Variants in AGBL4 observed in about 807,000 individuals in gnomAD.
AGBL4 encodes cytosolic carboxypeptidase 6.
In AGBL4, 58 loss-of-function variants were observed where a neutral mutation model predicts 66.4. That is an observed-to-expected ratio of 0.87 (90% CI 0.71 to 1.09). The LOEUF (loss-of-function observed/expected upper bound fraction) is 1.09. Ranked by LOEUF, AGBL4 falls within the 50% of genes least tolerant of loss-of-function variation. The pLI is 0.00. For synonymous variants in AGBL4, 234 were observed against 222.9 expected, an observed-to-expected ratio of 1.05 and a Z score of -0.44; for missense variants, 579 against 631.0, an observed-to-expected ratio of 0.92 and a Z score of 0.88.
At chr1:49,995,365 G>A (rs1198643656) in intron 1 of AGBL4, 1 of 442,820 alleles carries the variant, frequency 2.3e-6, no homozygotes, top group Non-Finnish European at 4.5e-6. Flanking sequence ...GATGAGGCCT[G>A]TCACTGCGGC....
At chr1:49,395,533 A>G (rs904405896) in intron 3 of AGBL4, among the ~76,000 whole-genome samples, 1 of 139,356 alleles carries the variant, frequency 7.2e-6, no homozygotes, top group Non-Finnish European at 1.6e-5. Flanking sequence ...GCCAAACACT[A>G]GTGTGTGTGT....
chr1:49,234,888 T>C (rs932829280), intron 4 of AGBL4, among the ~76,000 whole-genome samples: 1 of 152,188 alleles, frequency 6.6e-6, no homozygotes, highest in Non-Finnish European at 1.5e-5. Context: ...GCTCTGCCCC[T>C]GACTAGCTGT....
intron 1 of AGBL4, among the ~76,000 whole-genome samples, chr1:49,963,842 A>C (rs1480640039): frequency 6.6e-6 from 1 of 152,098 alleles, no homozygotes; most frequent in Non-Finnish European, 1.5e-5. Context: ...AAGAACCATG[A>C]TTTTTTAAAG....
chr1:48,984,246 T>C (rs771629052), intron 5 of AGBL4, among the ~76,000 whole-genome samples: 54 of 151,948 alleles, frequency 3.6e-4, no homozygotes, highest in Admixed American at 8.5e-4. Flanking sequence ...CTACCACTTT[T>C]CAGATGTGGA....
intron 4 of AGBL4, among the ~76,000 whole-genome samples, chr1:49,047,731 C>CA (rs1393001250): frequency 6.6e-6 from 1 of 152,018 alleles, no homozygotes; most frequent in Non-Finnish European, 1.5e-5. Context: ...TTTTATTTAG[C>CA]AAATATTTAA....
intron 3 of AGBL4, among the ~76,000 whole-genome samples, chr1:49,572,054 T>C (rs145541050): frequency 5.3e-4 from 80 of 152,270 alleles, no homozygotes; most frequent in Non-Finnish European, 9.7e-4. Flanking sequence ...CTTGTTTGCT[T>C]GGTTTTGGTA....
chr1:49,269,767 C>T (rs148867140), intron 3 of AGBL4, among the ~76,000 whole-genome samples: 1 of 152,166 alleles, frequency 6.6e-6, no homozygotes, highest in East Asian at 1.9e-4. Flanking sequence ...TTAGGGTAAT[C>T]CTTTTGTGAT....
chr1:49,161,286 C>G (rs958536306), intron 4 of AGBL4, among the ~76,000 whole-genome samples: 1 of 152,184 alleles, frequency 6.6e-6, no homozygotes, highest in African/African-American at 2.4e-5. Context: ...TCCCTCACAG[C>G]TTCCCTTGGT....
chr1:49,992,669 T>C (rs1264880531), intron 1 of AGBL4, among the ~76,000 whole-genome samples: 2 of 152,134 alleles, frequency 1.3e-5, no homozygotes. Context: ...ATAATTCCTT[T>C]AGGAGTCTCT....
chr1:49,965,163 T>C (rs909102687), intron 1 of AGBL4, among the ~76,000 whole-genome samples: 5 of 152,184 alleles, frequency 3.3e-5, no homozygotes, highest in Non-Finnish European at 7.3e-5. Flanking sequence ...AAATCAATGA[T>C]TGCCTCCTAT....
intron 3 of AGBL4, among the ~76,000 whole-genome samples, chr1:49,696,699 CT>C (rs1244829959): frequency 6.6e-6 from 1 of 151,900 alleles, no homozygotes; most frequent in Non-Finnish European, 1.5e-5. Flanking sequence ...AACTGAAACA[CT>C]TCTGGTCCCA....
chr1:49,002,573 T>C (rs1222691721), intron 5 of AGBL4, among the ~76,000 whole-genome samples: 1 of 152,216 alleles, frequency 6.6e-6, no homozygotes, highest in Non-Finnish European at 1.5e-5. Context: ...GGAGAGAACA[T>C]TAAGGTCTCA....
chr1:48,699,189 G>T (rs1381106321), intron 6 of AGBL4, among the ~76,000 whole-genome samples: 1 of 152,162 alleles, frequency 6.6e-6, no homozygotes, highest in African/African-American at 2.4e-5. Context: ...CCAGGCTTTG[G>T]AGTCAGGCAG....
intron 4 of AGBL4, among the ~76,000 whole-genome samples, chr1:49,160,914 G>T (rs1646528860): frequency 6.6e-6 from 1 of 152,138 alleles, no homozygotes; most frequent in Non-Finnish European, 1.5e-5. Flanking sequence ...CCAAACTTGA[G>T]CATCCCAGGT....
At chr1:49,365,151 T>G (rs1005224781) in intron 3 of AGBL4, among the ~76,000 whole-genome samples, 6 of 152,246 alleles carry the variant, frequency 3.9e-5, no homozygotes, top group Non-Finnish European at 8.8e-5. Context: ...TGTAAACCAA[T>G]AAGCAAACAC....
At chr1:48,748,230 T>A (rs1277246102) in intron 6 of AGBL4, among the ~76,000 whole-genome samples, 1 of 152,176 alleles carries the variant, frequency 6.6e-6, no homozygotes, top group Non-Finnish European at 1.5e-5. Flanking sequence ...AGGATCCCCC[T>A]CTGTGGACCT....
chr1:49,507,701 G>A (rs2148775691), intron 3 of AGBL4, among the ~76,000 whole-genome samples: 1 of 151,874 alleles, frequency 6.6e-6, no homozygotes, highest in Non-Finnish European at 1.5e-5. Flanking sequence ...TTTCTTAAAA[G>A]GAGTGTCTTA....
At chr1:49,102,534 A>G (rs1031777070) in intron 4 of AGBL4, among the ~76,000 whole-genome samples, 4 of 152,216 alleles carry the variant, frequency 2.6e-5, no homozygotes, top group Non-Finnish European at 4.4e-5. Flanking sequence ...TGGACTCACT[A>G]TTATAAAATA....
intron 3 of AGBL4, among the ~76,000 whole-genome samples, chr1:49,397,084 CAG>C (rs1644989373): frequency 6.6e-6 from 1 of 152,136 alleles, no homozygotes; most frequent in African/African-American, 2.4e-5. Context: ...TGACAGGAGA[CAG>C]AGCTCAGCTT....
Sources: gnomAD v4.1 joint callset for allele counts (sites outside exome capture counted in the v4.1 genomes callset) on GRCh38, gnomAD v4.1.1 for gene constraint, MANE v1.5 for transcripts, NCBI Gene and HGNC (gene_info 2026-07-23, HGNC 2026-07-21) for gene names.